Variants in SEMA6D observed in about 807,000 individuals in gnomAD.
SEMA6D encodes the protein semaphorin-6D.
In SEMA6D, 35 loss-of-function variants were observed where a neutral mutation model predicts 106.6. The ratio of observed to expected loss-of-function variants is 0.33; its 90% CI spans 0.25 to 0.44. SEMA6D has a LOEUF of 0.44. Ranked by LOEUF, SEMA6D falls within the 20% of genes least tolerant of loss-of-function variation. The probability of loss-of-function intolerance (pLI) is 1.00; values close to 1 mark genes in which losing one functional copy is unlikely to be tolerated. For synonymous variants in SEMA6D, 499 were observed against 487.7 expected (o/e 1.02, Z -0.31); for missense variants, 1,185 against 1,345.9 (o/e 0.88, Z 1.87).
At chr15:47,421,484 T>C (rs1479949466) in intron 2 of SEMA6D, among the ~76,000 whole-genome samples, 2 of 152,130 alleles carry the variant, frequency 1.3e-5, no homozygotes, top group African/African-American at 4.8e-5. Context: ...TAATTTATGT[T>C]TATCATCTAC....
chr15:47,406,209 G>GA (rs1275479007), intron 1 of SEMA6D, among the ~76,000 whole-genome samples: 3 of 152,190 alleles, frequency 2.0e-5, no homozygotes, highest in Non-Finnish European at 2.9e-5. Context: ...TGGAGAAAGT[G>GA]AAAAAGCAAC....
chr15:47,286,213 T>A (rs1321028376), intron 1 of SEMA6D, among the ~76,000 whole-genome samples: 2 of 152,172 alleles, frequency 1.3e-5, no homozygotes, highest in Non-Finnish European at 2.9e-5. Context: ...TCTTCCAGTC[T>A]ACAGAGATTC....
intron 18 of SEMA6D, among the ~76,000 whole-genome samples, chr15:47,769,948 A>G (rs1008860019): frequency 3.3e-5 from 5 of 152,148 alleles, no homozygotes; most frequent in African/African-American, 1.2e-4. Flanking sequence ...AGCAAACATG[A>G]AAGTCTCTAT....
intron 1 of SEMA6D, chr15:47,272,996 TC>T (rs935660511): frequency 6.6e-6 from 1 of 152,208 alleles, no homozygotes; most frequent in Non-Finnish European, 1.5e-5. Context: ...CTTCCCAAGA[TC>T]CCCTCAATTT....
At chr15:47,517,628 A>G (rs1169838162) in intron 3 of SEMA6D, among the ~76,000 whole-genome samples, 1 of 152,244 alleles carries the variant, frequency 6.6e-6, no homozygotes. Context: ...CTTCCCACAC[A>G]GGAAATCTTT....
intron 1 of SEMA6D, among the ~76,000 whole-genome samples, chr15:47,256,813 T>C (rs2033827684): frequency 6.6e-6 from 1 of 152,106 alleles, no homozygotes; most frequent in East Asian, 1.9e-4. Context: ...GAGCTGAGAT[T>C]GTGCCATTGC....
intron 3 of SEMA6D, among the ~76,000 whole-genome samples, chr15:47,543,486 C>T (rs2045420524): frequency 6.6e-6 from 1 of 152,148 alleles, no homozygotes; most frequent in African/African-American, 2.4e-5. Flanking sequence ...GATTGTGAGG[C>T]CTCCCCAGCC....
chr15:47,281,809 A>G (rs2035136820), intron 1 of SEMA6D, among the ~76,000 whole-genome samples: 1 of 152,150 alleles, frequency 6.6e-6, no homozygotes, highest in African/African-American at 2.4e-5. Flanking sequence ...CCAAACCCAC[A>G]GCATTTTTGA....
intron 1 of SEMA6D, among the ~76,000 whole-genome samples, chr15:47,409,621 C>G (rs1299182385): frequency 6.6e-6 from 1 of 152,134 alleles, no homozygotes; most frequent in Non-Finnish European, 1.5e-5. Flanking sequence ...GAAAAATATT[C>G]AGATTTTTCT....
intron 1 of SEMA6D, among the ~76,000 whole-genome samples, chr15:47,372,507 G>A (rs925196506): frequency 6.6e-6 from 1 of 152,154 alleles, no homozygotes; most frequent in Non-Finnish European, 1.5e-5. Flanking sequence ...CGCACAACCT[G>A]AGAGCTCCCT....
chr15:47,540,543 G>A (rs2045324023), intron 3 of SEMA6D, among the ~76,000 whole-genome samples: 1 of 152,142 alleles, frequency 6.6e-6, no homozygotes, highest in South Asian at 2.1e-4. Context: ...ACGCAGGCAG[G>A]CTGTTCTTAG....
chr15:47,454,537 T>G (rs1207099913), intron 2 of SEMA6D, among the ~76,000 whole-genome samples: 2 of 151,656 alleles, frequency 1.3e-5, no homozygotes, highest in East Asian at 3.9e-4. Context: ...TGAAATAACC[T>G]AATTCACTGT....
At chr15:47,424,849 T>C (rs1183275341) in intron 2 of SEMA6D, among the ~76,000 whole-genome samples, 1 of 152,086 alleles carries the variant, frequency 6.6e-6, no homozygotes, top group Non-Finnish European at 1.5e-5. Context: ...ATACAAAATA[T>C]GAGACTCAAA....
chr15:47,240,184 A>C (rs922602453), intron 1 of SEMA6D, among the ~76,000 whole-genome samples: 1 of 152,162 alleles, frequency 6.6e-6, no homozygotes, highest in African/African-American at 2.4e-5. Flanking sequence ...CTCAGAAAGA[A>C]AAATTTGTTG....
At chr15:47,191,114 C>T (rs1202754222) in intron 1 of SEMA6D, among the ~76,000 whole-genome samples, 1 of 151,964 alleles carries the variant, frequency 6.6e-6, no homozygotes. Flanking sequence ...CTTGAGGCTG[C>T]AGAGAGCCGT....
chr15:47,732,682 G>A lies in SEMA6D; in HGVS notation c.-55+14990G>A, dbSNP rs1324923034. On this transcript the variant is annotated intron_variant, in intron 1 of 18. Coordinates refer to ENST00000536845, the MANE Select transcript of SEMA6D (RefSeq NM_001358351.3). ...CACATAGTGTACATTAAACACATTT[G>A]TGAATGTGCTCAAACTATTCAAAGT... Among the ~76,000 whole-genome samples the A allele has an allele frequency of 2.8e-4, 42 of 152,112 alleles. 1 individual carries two copies.
At chr15:47,525,417 G>A (rs528981576) in intron 3 of SEMA6D, 1 of 152,202 alleles carries the variant, frequency 6.6e-6, no homozygotes, top group Non-Finnish European at 1.5e-5. Flanking sequence ...TGGTCACATG[G>A]AGGACATCTT....
chr15:47,355,352 T>A (rs1292092926), intron 1 of SEMA6D, among the ~76,000 whole-genome samples: 2 of 152,234 alleles, frequency 1.3e-5, no homozygotes, highest in African/African-American at 4.8e-5. Context: ...ATTGTAGCTA[T>A]TATTTTTCTT....
At chr15:47,254,032 C>T (rs541063505) in intron 1 of SEMA6D, among the ~76,000 whole-genome samples, 1 of 151,826 alleles carries the variant, frequency 6.6e-6, no homozygotes, top group African/African-American at 2.4e-5. Flanking sequence ...TTTCTTCCTT[C>T]AGTGTTTAAT....
Sources: allele counts gnomAD v4.1 joint callset (sites outside exome capture counted in the v4.1 genomes callset), GRCh38; gene constraint gnomAD v4.1.1; transcripts MANE v1.5; gene names NCBI Gene and HGNC (gene_info 2026-07-23, HGNC 2026-07-21).